Variants in ICE2 observed in about 807,000 individuals in gnomAD.
ICE2 encodes interactor of little elongation complex ELL subunit 2.
A neutral mutation model predicts 105.4 loss-of-function variants in ICE2; 87 were observed. The observed-to-expected ratio is 0.83, with a 90% CI of 0.69 to 0.99. The LOEUF (loss-of-function observed/expected upper bound fraction) is 0.99, where lower values mean the gene tolerates loss of function less well. Among genes scored for constraint, ICE2 ranks in the 50% least tolerant of loss-of-function variants. The probability of loss-of-function intolerance (pLI) is 0.00; values close to 1 mark genes in which losing one functional copy is unlikely to be tolerated. For missense variants in ICE2, 1,323 were observed against 1,146.7 expected (o/e 1.15, Z -2.22); for synonymous variants, 399 against 392.0 (o/e 1.02, Z -0.21).
chr15:60,427,238 G>A (rs531077845), intron 15 of ICE2, among the ~76,000 whole-genome samples: 2 of 152,288 alleles, frequency 1.3e-5, no homozygotes, highest in African/African-American at 4.8e-5. Flanking sequence ...GATTAATTCA[G>A]TATAGTACAG....
intron 1 of ICE2, among the ~76,000 whole-genome samples, chr15:60,478,371 T>A (rs1444692377): frequency 6.6e-6 from 1 of 152,192 alleles, no homozygotes; most frequent in Admixed American, 6.5e-5. Flanking sequence ...GAACGGGAAG[T>A]CAACTCAGTT....
Position 60,438,064 on chromosome 15 carries a change from T to C in ICE2, c.2426-1837A>G, listed in dbSNP as rs2063635602. ...CTTTTGTTATAACAAGTAATGCGTA[T>C]GTTCTAAAACAAAACAGGTTGAGAG... On this transcript the variant is annotated intron_variant, in intron 12 of 15. Transcript: ENST00000261520. 2.0e-5 allele frequency: 3 copies of C among 152,218 alleles called. No homozygotes were observed. The South Asian group carries it at 6.2e-4, about 31-fold the overall frequency. 9.4% of individuals were successfully genotyped at this position (152,218 alleles called of 1,614,324 possible). A position where few individuals can be genotyped will look rare whatever the true frequency, so the allele number is the denominator to read the frequency against.
At chr15:60,443,850 T>C (rs182398718) in intron 11 of ICE2, among the ~76,000 whole-genome samples, 375 of 152,144 alleles carry the variant, frequency 2.5e-3, no homozygotes, top group Non-Finnish European at 2.1e-3. Flanking sequence ...TCCCAGCATT[T>C]TGGGAGGCTG....
chr15:60,423,706 G>C lies in ICE2; in HGVS notation c.2877C>G (p.Thr959=). Residue 959 remains threonine, a synonymous_variant, in exon 16 of 16, where the codon ACC becomes ACG. Transcript: ENST00000261520. ...RSHRNPVSME[T]KSSCLPAQQV... ...GCTGAGCAGGCAAGCAACTGCTTTT[G>C]GTTTCCATGGAAACTGGATTCCTGT... 6.2e-7 allele frequency: 1 copy of C among 1,601,950 alleles called. No homozygotes were observed. The highest frequency in any genetic ancestry group is 8.5e-7 in the Non-Finnish European group (1 of 1,176,936).
intron 11 of ICE2, among the ~76,000 whole-genome samples, chr15:60,444,462 A>T (rs2063781749): frequency 1.3e-5 from 2 of 152,172 alleles, no homozygotes; most frequent in Non-Finnish European, 2.9e-5. Flanking sequence ...TTTTCATACT[A>T]TAAAGTTTAC....
At chr15:60,436,317 C>T (rs1595754031) in intron 12 of ICE2, 90 bp from the exon 13 acceptor site, 3 of 456,736 alleles carry the variant, frequency 6.6e-6, no homozygotes, top group Non-Finnish European at 1.2e-5. Context: ...TTAAAGATTA[C>T]AAATTTTAAT....
At chr15:60,456,620 C>CA (rs761351881) in intron 6 of ICE2, 37 bp downstream of exon 6, 234 of 1,301,932 alleles carry the variant, frequency 1.8e-4, no homozygotes, top group East Asian at 1.1e-3. Flanking sequence ...CTATTTCAGA[C>CA]AAAAAAAAGC....
At chr15:60,470,746 T>C (rs994649506) in intron 3 of ICE2, among the ~76,000 whole-genome samples, 2 of 152,190 alleles carry the variant, frequency 1.3e-5, no homozygotes, top group South Asian at 4.1e-4. Context: ...TCTCACTACC[T>C]CATTATATCT....
chr15:60,452,165 G>C (rs1192534483), intron 9 of ICE2: 18 of 971,360 alleles, frequency 1.9e-5, no homozygotes, highest in Non-Finnish European at 2.2e-5. Context: ...AAATGTGTAA[G>C]AAGAAAACAT....
intron 2 of ICE2, among the ~76,000 whole-genome samples, chr15:60,477,701 A>G (rs1321536940): frequency 6.6e-6 from 1 of 152,252 alleles, no homozygotes; most frequent in African/African-American, 2.4e-5. Flanking sequence ...TGAGGGAATT[A>G]TACCTAAAAA....
In ICE2 at chr15:60,458,069, CAA is replaced by C. The variant is rs780407406; in HGVS notation, c.529-1277_529-1276del. Among the ~76,000 whole-genome samples, 16 of 152,228 alleles carry C rather than the reference CAA, an allele frequency of 1.1e-4. No individual in the cohort carries two copies. The East Asian group carries it at 3.1e-3, about 29-fold the overall frequency. Reference sequence around the variant, plus strand: ...AATTTACTTAATTCAGTAACTACAGCAAGAGAGTCAAAGGAAAATCTAAGACA... The same window carrying C: ...AATTTACTTAATTCAGTAACTACAGCGAGAGTCAAAGGAAAATCTAAGACA... On this transcript the variant is annotated intron_variant, in intron 5 of 15. Coordinates refer to ENST00000261520, the MANE Select transcript of ICE2 (RefSeq NM_024611.6).
chr15:60,458,395 C>G (rs572212714), intron 5 of ICE2, among the ~76,000 whole-genome samples: 23 of 152,052 alleles, frequency 1.5e-4, no homozygotes, highest in Non-Finnish European at 2.4e-4. Context: ...AAAAAATGCC[C>G]CCTAAATTTT....
rs775006558 is a variant in ICE2, at chr15:60,449,367, T to C, written c.1600A>G (p.Ile534Val). Residue 534 changes from isoleucine to valine, a missense_variant, in exon 10 of 16, where the codon ATA becomes GTA. Ile to Val is a conservative substitution (Grantham distance 29, BLOSUM62 3). Coordinates refer to ENST00000261520, the MANE Select transcript of ICE2 (RefSeq NM_024611.6). ...TSNKNDMTID[I>V]LHADGERPNV... ...GGTCTTTCACCATCAGCATGTAATA[T>C]ATCTATAGTCATATCATTTTTATTA... is the stretch of plus-strand genomic sequence containing the variant. The C allele has an allele frequency of 2.5e-6, 4 of 1,613,134 alleles. No individual in the cohort carries two copies. Among genetic ancestry groups the C allele is most frequent in the South Asian group, 1.1e-5 (1 of 91,044 alleles).
rs2063225499 is a variant in ICE2, at chr15:60,419,903, T to C, written c.*3731A>G. The C allele has an allele frequency of 6.6e-6, 1 of 152,222 alleles. No individual in the cohort carries two copies. 9.4% of individuals were successfully genotyped at this position (152,222 alleles called of 1,614,324 possible). ...GATTTAAAAATATGTTCACAAATTC[T>C]TTCCAAACTTCTCCCTTCAAGGGTG... On this transcript the variant is annotated 3_prime_UTR_variant, in exon 16 of 16. Transcript: ENST00000261520.
chr15:60,442,684 A>G lies in ICE2; in HGVS notation c.2296-139T>C, dbSNP rs2063744263. On this transcript the variant is annotated intron_variant, in intron 11 of 15. Coordinates refer to ENST00000261520, the MANE Select transcript of ICE2 (RefSeq NM_024611.6). ...TCCTTTCAATTACAGCAGGATTCACACTGTAAGATGGATACATTCAGGCCT... is the reference window on the plus strand; with the variant it reads ...TCCTTTCAATTACAGCAGGATTCACGCTGTAAGATGGATACATTCAGGCCT... 4.8e-6 allele frequency: 3 copies of G among 627,586 alleles called. 1 individual carries two copies. The highest frequency in any genetic ancestry group is 6.3e-5 in the East Asian group (2 of 31,814). The allele number at this position is 627,586 out of a possible 1,614,324, so 38.9% of individuals were successfully genotyped here. A position where few individuals can be genotyped will look rare whatever the true frequency, so the allele number is the denominator to read the frequency against.
At chr15:60,460,167 G>T (rs1001531449) in intron 5 of ICE2, among the ~76,000 whole-genome samples, 14 of 152,114 alleles carry the variant, frequency 9.2e-5, no homozygotes, top group Admixed American at 6.5e-5. Context: ...CATCAAGACA[G>T]ACATACAGAT....
At position 60,433,806 on chromosome 15, in the gene ICE2, A is replaced by T. The variant is rs1007798726; in HGVS notation, c.2511-1822T>A. 5.8e-4 allele frequency among the ~76,000 whole-genome samples: 84 copies of T among 145,548 alleles called. 1 individual carries two copies. Among genetic ancestry groups the T allele is most frequent in the African/African-American group, 1.9e-3 (75 of 39,074 alleles). On this transcript the variant is annotated intron_variant, in intron 13 of 15. Coordinates refer to ENST00000261520, the MANE Select transcript of ICE2 (RefSeq NM_024611.6). ...GAGCCTGACCTCCTCCTTTTTTTTA[A>T]AAAAAAAAAATGTTTTTCAATGAGA...
At position 60,421,648 on chromosome 15, in the gene ICE2, A is replaced by G. The variant is rs914774335; in HGVS notation, c.*1986T>C. ...AAGAGCACATTCCATTCTGGTGCAC[A>G]CAAATGTACATTAAAAATAAAATAA... is the stretch of plus-strand genomic sequence containing the variant. On this transcript the variant is annotated 3_prime_UTR_variant, in exon 16 of 16. Coordinates refer to ENST00000261520, the MANE Select transcript of ICE2 (RefSeq NM_024611.6). The G allele has an allele frequency of 2.6e-5, 4 of 152,186 alleles. No individual in the cohort carries two copies. The highest frequency in any genetic ancestry group is 4.4e-5 in the Non-Finnish European group (3 of 68,038). The allele number at this position is 152,186 out of a possible 1,614,324, so 9.4% of individuals were successfully genotyped here.
chr15:60,476,089 TA>T lies in ICE2; in HGVS notation c.119del (p.Leu40Ter). ...TGTTGGATAAAACACGTAGTTCTTT[TA>T]AACTTGGAGCCATGGAATGATCTTT... ...NYKDHSMAPS[L>X]KELRVLSNRR... On this transcript the variant is annotated frameshift_variant, in exon 3 of 16. Coordinates refer to ENST00000261520, the MANE Select transcript of ICE2 (RefSeq NM_024611.6). LOFTEE classifies it high-confidence loss of function. 1 of 1,603,768 alleles carries T rather than the reference TA, an allele frequency of 6.2e-7. No individual in the cohort carries two copies. The highest frequency in any genetic ancestry group is 1.1e-5 in the South Asian group (1 of 89,270).
Sources: gnomAD v4.1 joint callset for allele counts (sites outside exome capture counted in the v4.1 genomes callset) on GRCh38, gnomAD v4.1.1 for gene constraint, MANE v1.5 for transcripts, NCBI Gene and HGNC (gene_info 2026-07-23, HGNC 2026-07-21) for gene names.